Variants in CACNB1 observed in about 807,000 individuals in gnomAD.
The protein encoded by CACNB1 is calcium voltage-gated channel auxiliary subunit beta 1.
In CACNB1, 29 loss-of-function variants were observed where a neutral mutation model predicts 71.6. The ratio of observed to expected loss-of-function variants is 0.40; its 90% confidence interval spans 0.30 to 0.55. CACNB1 has a LOEUF of 0.55. Among genes scored for constraint, CACNB1 ranks in the 20% least tolerant of loss-of-function variants. The pLI is 0.38. For missense variants in CACNB1, 623 were observed against 801.8 expected, an observed-to-expected ratio of 0.78 and a Z score of 2.69; for synonymous variants, 300 against 319.6, an observed-to-expected ratio of 0.94 and a Z score of 0.65.
chr17:39,193,672 A>C, intron 2 of CACNB1: 1 of 228,462 alleles, frequency 4.4e-6, no homozygotes, highest in Non-Finnish European at 9.1e-6. Context: ...GGGGAGCTAA[A>C]AGGAGGAAGA....
intron 11 of CACNB1, among the ~76,000 whole-genome samples, chr17:39,182,270 G>A (rs1047112187): frequency 6.6e-6 from 1 of 151,980 alleles, no homozygotes; most frequent in Admixed American, 6.6e-5. Context: ...GGAGGCTGTA[G>A]TGAGTGAGAT....
intron 11 of CACNB1, among the ~76,000 whole-genome samples, chr17:39,182,657 G>A (rs576262278): frequency 2.0e-5 from 3 of 151,308 alleles, no homozygotes; most frequent in Non-Finnish European, 2.9e-5. Context: ...AGCTAAGATC[G>A]CGCCACTGCA....
At chr17:39,189,107 G>C (rs768070711) in intron 3 of CACNB1, among the ~76,000 whole-genome samples, 6 of 152,104 alleles carry the variant, frequency 3.9e-5, no homozygotes, top group Non-Finnish European at 8.8e-5. Context: ...GCTCATGCCT[G>C]TAATCCCAGC....
intron 3 of CACNB1, among the ~76,000 whole-genome samples, chr17:39,189,572 C>T (rs2046022763): frequency 6.6e-6 from 1 of 151,066 alleles, no homozygotes; most frequent in South Asian, 2.1e-4. Context: ...AATCTTGGCT[C>T]ACTGCAACCT....
rs79521979 is a variant in CACNB1 at position 39,176,785 on chromosome 17, G to A, written c.1332+565C>T. On this transcript the variant is annotated intron_variant, in intron 13 of 13. Coordinates refer to ENST00000394303, the MANE Select transcript of CACNB1 (RefSeq NM_000723.5). ...GTCTCCCATGGGAGGTCCTTTCCTGGACTTTAACTGGGAGAATGGTGGAAG... is the reference window on the plus strand; with the variant it reads ...GTCTCCCATGGGAGGTCCTTTCCTGAACTTTAACTGGGAGAATGGTGGAAG... 3.0e-4 allele frequency among the ~76,000 whole-genome samples: 45 copies of A among 152,200 alleles called. No individual in the cohort carries two copies. In the East Asian group the frequency reaches 8.3e-3, roughly 28 times the overall value.
At chr17:39,197,104 C>A (rs999643802) in intron 1 of CACNB1, among the ~76,000 whole-genome samples, 1 of 152,114 alleles carries the variant, frequency 6.6e-6, no homozygotes, top group Non-Finnish European at 1.5e-5. Flanking sequence ...CCAGATCCCC[C>A]TCCACCAGCA....
In CACNB1 at chr17:39,194,458, C is replaced by G. The variant is rs1240393050; in HGVS notation, c.171+426G>C. Among the ~76,000 whole-genome samples the G allele has an allele frequency of 6.6e-6, 1 of 152,150 alleles. No homozygotes were observed. Among genetic ancestry groups the G allele is most frequent in the African/African-American group, 2.4e-5 (1 of 41,432 alleles). On this transcript the variant is annotated intron_variant, in intron 2 of 13. Transcript: ENST00000394303. This position sits in a 1 kb window ranked among gnomAD's most constrained non-coding sequence, Gnocchi z 4.6. ...CGTGTTTCCCTGGCCAGGACCTCAC[C>G]AGGACTACAGGGACCCAAACATCCT...
At chr17:39,185,050 G>C in intron 7 of CACNB1, 81 bp downstream of exon 7, 1 of 1,284,422 alleles carries the variant, frequency 7.8e-7, no homozygotes, top group Non-Finnish European at 1.1e-6. Context: ...ATGGGGGACA[G>C]ATGTGGGAAT....
intron 11 of CACNB1, among the ~76,000 whole-genome samples, chr17:39,180,712 A>C (rs545223073): frequency 1.3e-5 from 2 of 152,194 alleles, no homozygotes; most frequent in Admixed American, 1.3e-4. Context: ...AAATTTGTGA[A>C]TCTGAAAAAA....
At position 39,186,181 on chromosome 17, in the gene CACNB1, G is replaced by A; in HGVS notation, c.628+315C>T. 1 of 1,264,574 alleles carries A rather than the reference G, an allele frequency of 7.9e-7. No individual in the cohort carries two copies. The highest frequency in any genetic ancestry group is 1.1e-6 in the Non-Finnish European group (1 of 874,750). 78.3% of individuals were successfully genotyped at this position (1,264,574 alleles called of 1,614,324 possible). A position where few individuals can be genotyped will look rare whatever the true frequency, so the allele number is the denominator to read the frequency against. On this transcript the variant is annotated intron_variant, in intron 6 of 13. Coordinates refer to ENST00000394303, the MANE Select transcript of CACNB1 (RefSeq NM_000723.5). The surrounding 1 kb of genome is among the most constrained non-coding windows in gnomAD (Gnocchi z 4.1). The stretch of plus-strand genomic sequence containing the variant: ...GAGTGAGATGAACGTGGAGACACAA[G>A]TACAGAACGCAGGGATGGGGATGGG...
Position 39,175,003 on chromosome 17 carries a change from A to G in CACNB1, c.*190T>C, listed in dbSNP as rs1199701679. ...ATCCACAACAGGCAGGTAAAAACCG[A>G]CAGCTGGGGCTTAAGGGCCTCCCGG... On this transcript the variant is annotated 3_prime_UTR_variant, in exon 14 of 14. Coordinates refer to ENST00000394303, the MANE Select transcript of CACNB1 (RefSeq NM_000723.5). The surrounding 1 kb of genome is among the most constrained non-coding windows in gnomAD (Gnocchi z 4.7). 6.7e-6 allele frequency: 4 copies of G among 596,050 alleles called. No homozygotes were observed. The highest frequency in any genetic ancestry group is 1.9e-5 in the African/African-American group (1 of 53,762). 36.9% of individuals were successfully genotyped at this position (596,050 alleles called of 1,614,324 possible).
rs2046166367 is a variant in CACNB1 at position 39,194,704 on chromosome 17, G to A, written c.171+180C>T. ...CCGGGCAGGGGCGGGGGCTGAGCGA[G>A]TGGGTGCCGCTGACAGCACATCCAG... On this transcript the variant is annotated intron_variant, in intron 2 of 13. Coordinates refer to ENST00000394303, the MANE Select transcript of CACNB1 (RefSeq NM_000723.5). The surrounding 1 kb of genome is among the most constrained non-coding windows in gnomAD (Gnocchi z 4.6). Among the ~76,000 whole-genome samples the A allele has an allele frequency of 6.6e-6, 1 of 152,116 alleles. No homozygotes were observed. Among genetic ancestry groups the A allele is most frequent in the Admixed American group, 6.5e-5 (1 of 15,278 alleles).
At position 39,187,617 on chromosome 17, in the gene CACNB1, A is replaced by G. The variant is rs375998304; in HGVS notation, c.292-16T>C. The G allele has an allele frequency of 3.1e-6, 5 of 1,613,894 alleles. No homozygotes were observed. The highest frequency in any genetic ancestry group is 4.2e-6 in the Non-Finnish European group (5 of 1,179,886). On this transcript the variant is annotated splice_polypyrimidine_tract_variant and intron_variant, in intron 3 of 13. Coordinates refer to ENST00000394303, the MANE Select transcript of CACNB1 (RefSeq NM_000723.5). ...CTGGCTTGGTCTAGAGGAGGCACACAGGGGAGGATGGCAACTAGAGGGCAA... is the reference window on the plus strand; with the variant it reads ...CTGGCTTGGTCTAGAGGAGGCACACGGGGGAGGATGGCAACTAGAGGGCAA...
intron 2 of CACNB1, chr17:39,193,815 A>C (rs986514722): frequency 5.5e-6 from 1 of 180,458 alleles, no homozygotes; most frequent in Non-Finnish European, 1.2e-5. Flanking sequence ...AGGAGGGATG[A>C]GGGGGTGATT....
chr17:39,187,408 C>T, intron 4 of CACNB1, 71 bp downstream of exon 4: 2 of 1,587,034 alleles, frequency 1.3e-6, no homozygotes, highest in Non-Finnish European at 1.7e-6. Flanking sequence ...GCTCAGAAGC[C>T]TTTTGTCCAC....
intron 1 of CACNB1, among the ~76,000 whole-genome samples, chr17:39,195,581 T>A (rs1010741846): frequency 6.6e-6 from 1 of 152,158 alleles, no homozygotes; most frequent in African/African-American, 2.4e-5. Flanking sequence ...AGTAGGGGCA[T>A]GGAACTGTAT....
intron 3 of CACNB1, among the ~76,000 whole-genome samples, chr17:39,187,977 C>G (rs1255621772): frequency 1.3e-5 from 2 of 151,948 alleles, no homozygotes; most frequent in Non-Finnish European, 2.9e-5. Context: ...TGTGTCACTG[C>G]ACTCAAGCCT....
intron 9 of CACNB1, 78 bp downstream of exon 9, chr17:39,184,247 T>A: frequency 7.8e-7 from 1 of 1,287,890 alleles, no homozygotes. Context: ...AGTCCCAGGA[T>A]TGTGATTCGA....
At position 39,174,971 on chromosome 17, in the gene CACNB1, C is replaced by T. The variant is rs2045538726; in HGVS notation, c.*222G>A. On this transcript the variant is annotated 3_prime_UTR_variant, in exon 14 of 14. Coordinates refer to ENST00000394303, the MANE Select transcript of CACNB1 (RefSeq NM_000723.5). ...GGACACTTCAGAAAGGTGGGTATCC[C>T]CCATCCATCCACAACAGGCAGGTAA... is the stretch of plus-strand genomic sequence containing the variant. The T allele has an allele frequency of 1.8e-6, 1 of 568,436 alleles. No individual in the cohort carries two copies. Among genetic ancestry groups the T allele is most frequent in the African/African-American group, 1.9e-5 (1 of 53,214 alleles). 35.2% of individuals were successfully genotyped at this position (568,436 alleles called of 1,614,324 possible).
Sources: allele counts gnomAD v4.1 joint callset (sites outside exome capture counted in the v4.1 genomes callset), GRCh38; gene constraint gnomAD v4.1.1; non-coding constraint Gnocchi (gnomAD v3.1); transcripts MANE v1.5; gene names NCBI Gene and HGNC (gene_info 2026-07-23, HGNC 2026-07-21).